Variants in PRKDC observed in about 807,000 individuals in gnomAD.
PRKDC encodes the protein protein kinase, DNA-activated, catalytic subunit, also known as DNA-dependent protein kinase catalytic subunit.
PRKDC carries 82 observed loss-of-function variants against 486.9 expected under a neutral mutation model. That is an observed-to-expected ratio of 0.17 (90% CI 0.14 to 0.20). The LOEUF is 0.20. Among genes scored for constraint, PRKDC ranks in the 10% least tolerant of loss-of-function variants. The pLI, the probability that PRKDC is intolerant of heterozygous loss-of-function variation, is 1.00. For missense variants in PRKDC, 4,504 were observed against 5,038.2 expected, an observed-to-expected ratio of 0.89 and a Z score of 3.21; for synonymous variants, 1,895 against 1,837.0, an observed-to-expected ratio of 1.03 and a Z score of -0.81.
In PRKDC at chr8:47,799,447, C is replaced by T; in HGVS notation, c.10117-57G>A. ...ATGACTGAAGCTTTCTCAAAGAACT[C>T]TGCTTTCCATTTGTGACTCATGACA... On this transcript the variant is annotated intron_variant, in intron 71 of 85. Coordinates refer to ENST00000314191, the MANE Select transcript of PRKDC (RefSeq NM_006904.7). The T allele has an allele frequency of 5.6e-6, 8 of 1,416,418 alleles. No individual in the cohort carries two copies. In the South Asian group the frequency reaches 8.7e-5, roughly 15 times the overall value. The allele number at this position is 1,416,418 out of a possible 1,614,324, so 87.7% of individuals were successfully genotyped here. A position where few individuals can be genotyped will look rare whatever the true frequency, so the allele number is the denominator to read the frequency against.
At chr8:47,956,293 C>T (rs534591892) in intron 3 of PRKDC, among the ~76,000 whole-genome samples, 18 of 152,156 alleles carry the variant, frequency 1.2e-4, no homozygotes, top group African/African-American at 3.1e-4. Context: ...ACCCGGGAGA[C>T]GGAGGTTGCA....
intron 46 of PRKDC, 128 bp from the exon 47 acceptor site, chr8:47,859,114 T>C: frequency 2.0e-6 from 2 of 1,013,564 alleles, no homozygotes; most frequent in East Asian, 2.4e-5. Flanking sequence ...GATAATCTGG[T>C]AATAATATCA....
Position 47,887,599 on chromosome 8 carries a change from C to T in PRKDC, c.4520G>A (p.Cys1507Tyr). ...RQCLPSLDLS[C>Y]KQLASGLLEL... The stretch of plus-strand genomic sequence containing the variant: ...CAGAAGTCCGCTGGCCAGCTGCTTA[C>T]AACTGAGGTCTAGAGAAGGCAGACA... Residue 1507 changes from cysteine to tyrosine, a missense_variant, in exon 35 of 86, where the codon TGT (cysteine) becomes TAT (tyrosine). Coordinates refer to ENST00000314191, the MANE Select transcript of PRKDC (RefSeq NM_006904.7). The T allele has an allele frequency of 2.5e-6, 4 of 1,599,754 alleles. No homozygotes were observed. Among genetic ancestry groups the T allele is most frequent in the Non-Finnish European group, 2.6e-6 (3 of 1,173,116 alleles).
chr8:47,905,438 T>C (rs955059123), intron 25 of PRKDC, among the ~76,000 whole-genome samples: 2 of 152,212 alleles, frequency 1.3e-5, no homozygotes, highest in South Asian at 2.1e-4. Context: ...AGGATACATA[T>C]TGTTGGCTTT....
In PRKDC at chr8:47,857,185, G is replaced by C; in HGVS notation, c.6580C>G (p.Leu2194Val). 1 of 1,613,920 alleles carries C rather than the reference G, an allele frequency of 6.2e-7. No individual in the cohort carries two copies. The highest frequency in any genetic ancestry group is 8.5e-7 in the Non-Finnish European group (1 of 1,179,844). Residue 2194 changes from leucine to valine, a missense_variant, in exon 49 of 86, where the codon CTT (leucine) becomes GTT (valine). By Grantham distance (32) the Leu-to-Val change is conservative. Around this residue, in one of 6 missense-constraint regions of PRKDC, gnomAD observed 1,592 missense variants for 1,724.6 expected, o/e 0.92. Transcript: ENST00000314191. ...GGAGTGGCCAAGCCTGTCCATGAAA[G>C]AATAGTGGCCACTATCTCAACCACC... Reference protein sequence around the residue: ...YMVVEIVATILSWTGLATPTG... With the variant: ...YMVVEIVATIVSWTGLATPTG...
chr8:47,947,229 C>A (rs150461144), intron 7 of PRKDC, among the ~76,000 whole-genome samples: 4 of 152,320 alleles, frequency 2.6e-5, no homozygotes, highest in African/African-American at 9.6e-5. Context: ...CTGTCTCCCT[C>A]TCCTCCTTCT....
intron 54 of PRKDC, among the ~76,000 whole-genome samples, chr8:47,842,574 GAAAACAA>G (rs2088174295): frequency 6.6e-6 from 1 of 151,904 alleles, no homozygotes. Flanking sequence ...TGATGAATAA[GAAAACAA>G]AAGGTCCCAT....
chr8:47,850,504 T>C (rs762555007), intron 52 of PRKDC, among the ~76,000 whole-genome samples: 2 of 152,186 alleles, frequency 1.3e-5, no homozygotes, highest in African/African-American at 4.8e-5. Flanking sequence ...CATTTTGGAA[T>C]AGAGATACCG....
At chr8:47,852,206 C>T (rs557952099) in intron 52 of PRKDC, among the ~76,000 whole-genome samples, 5 of 152,202 alleles carry the variant, frequency 3.3e-5, no homozygotes, top group South Asian at 2.1e-4. Flanking sequence ...TTCAGTTAGG[C>T]TCATCTCACA....
intron 30 of PRKDC, among the ~76,000 whole-genome samples, chr8:47,894,465 CGA>C (rs1472915160): frequency 2.0e-5 from 3 of 152,052 alleles, no homozygotes; most frequent in Non-Finnish European, 4.4e-5. Flanking sequence ...AAAGGCAGAT[CGA>C]GAGAGAGCAG....
At chr8:47,936,294 A>T in intron 12 of PRKDC, 59 bp downstream of exon 12, 1 of 1,524,188 alleles carries the variant, frequency 6.6e-7, no homozygotes, top group South Asian at 1.3e-5. Flanking sequence ...GACTCCATCA[A>T]ATTATTTGAA....
At chr8:47,780,894 C>T (rs1427082644) in intron 80 of PRKDC, among the ~76,000 whole-genome samples, 1 of 151,740 alleles carries the variant, frequency 6.6e-6, no homozygotes, top group Non-Finnish European at 1.5e-5. Flanking sequence ...GCCGAGATCA[C>T]GCCACTGCAC....
chr8:47,935,191 C>T (rs961603762), intron 13 of PRKDC, 133 bp from the exon 14 acceptor site: 12 of 686,700 alleles, frequency 1.7e-5, no homozygotes, highest in East Asian at 2.9e-5. Flanking sequence ...AGTTCATTCA[C>T]GGCTTTAATT....
Position 47,837,266 on chromosome 8 carries a change from G to C in PRKDC, c.7707C>G (p.Ser2569Arg). ...CGAACATGGGGTTTGGATAATCTGGGCTCATGCTGGTCATTTCGAGCAGAA... is the reference window on the plus strand; with the variant it reads ...CGAACATGGGGTTTGGATAATCTGGCCTCATGCTGGTCATTTCGAGCAGAA... The part of the protein sequence containing the change: ...TNFLLEMTSM[S>R]PDYPNPMFEH... Residue 2569 changes from serine to arginine, a missense_variant, in exon 57 of 86, where the codon AGC (serine) becomes AGG (arginine). Ser to Arg is a moderately radical substitution (Grantham distance 110, BLOSUM62 -1). Coordinates refer to ENST00000314191, the MANE Select transcript of PRKDC (RefSeq NM_006904.7). 6.2e-7 allele frequency: 1 copy of C among 1,613,878 alleles called. No homozygotes were observed. Among genetic ancestry groups the C allele is most frequent in the Non-Finnish European group, 8.5e-7 (1 of 1,179,862 alleles).
chr8:47,930,937 A>C (rs990423152), intron 16 of PRKDC, 150 bp from the exon 17 acceptor site: 1 of 709,248 alleles, frequency 1.4e-6, no homozygotes, highest in Non-Finnish European at 2.3e-6. Flanking sequence ...CTCAAGACCT[A>C]TGGTCTGATA....
rs546438002 is a variant in PRKDC, at chr8:47,902,813, G to A, written c.3043-18C>T. ...ATTCCATCCTGAAACAAAACAAAGAGACCTTGATTGTACTAATTTTTATAA... is the reference window on the plus strand; with the variant it reads ...ATTCCATCCTGAAACAAAACAAAGAAACCTTGATTGTACTAATTTTTATAA... On this transcript the variant is annotated intron_variant, in intron 26 of 85. Transcript: ENST00000314191. The A allele has an allele frequency of 1.1e-5, 18 of 1,567,512 alleles. No homozygotes were observed. The African/African-American group carries it at 1.9e-4, about 17-fold the overall frequency.
At chr8:47,948,481 C>CA (rs1333130346) in intron 7 of PRKDC, among the ~76,000 whole-genome samples, 1 of 119,228 alleles carries the variant, frequency 8.4e-6, no homozygotes, top group Admixed American at 9.1e-5. Flanking sequence ...TTTTTTGAGA[C>CA]AGAGTTTTGT....
At position 47,773,503 on chromosome 8, in the gene PRKDC, A is replaced by G. The variant is rs1182016669; in HGVS notation, c.*670T>C. The G allele has an allele frequency of 9.1e-6, 2 of 220,166 alleles. No individual in the cohort carries two copies. The highest frequency in any genetic ancestry group is 1.8e-5 in the Non-Finnish European group (2 of 109,980). 13.6% of individuals were successfully genotyped at this position (220,166 alleles called of 1,614,324 possible). A position where few individuals can be genotyped will look rare whatever the true frequency, so the allele number is the denominator to read the frequency against. On this transcript the variant is annotated 3_prime_UTR_variant, in exon 86 of 86. Coordinates refer to ENST00000314191, the MANE Select transcript of PRKDC (RefSeq NM_006904.7). ...TCCAGTTGTAGATTGGAATAGCAAAAGTGAATGCTATGACCAAAATTTTTG... is the reference window on the plus strand; with the variant it reads ...TCCAGTTGTAGATTGGAATAGCAAAGGTGAATGCTATGACCAAAATTTTTG...
intron 40 of PRKDC, among the ~76,000 whole-genome samples, chr8:47,868,812 T>C (rs2088877047): frequency 6.6e-6 from 1 of 152,200 alleles, no homozygotes; most frequent in Non-Finnish European, 1.5e-5. Flanking sequence ...ACACCACTCC[T>C]TCCTCATCCC....
Sources: allele counts gnomAD v4.1 joint callset (sites outside exome capture counted in the v4.1 genomes callset), GRCh38; gene constraint gnomAD v4.1.1; regional missense constraint gnomAD v4.1.1; transcripts MANE v1.5; gene names NCBI Gene and HGNC (gene_info 2026-07-23, HGNC 2026-07-21).